Variants in SOX5 observed in about 807,000 individuals in gnomAD.
SOX5 encodes SRY-box transcription factor 5, also known as transcription factor SOX-5.
A neutral mutation model predicts 92.0 loss-of-function variants in SOX5; 9 were observed. The observed-to-expected ratio is 0.10, with a 90% CI of 0.06 to 0.17. The LOEUF (loss-of-function observed/expected upper bound fraction) is 0.17, where lower values mean the gene tolerates loss of function less well. SOX5 is among the 10% of genes least tolerant of loss of function. The pLI is 1.00. For synonymous variants in SOX5, 344 were observed against 336.3 expected, an observed-to-expected ratio of 1.02 and a Z score of -0.25; for missense variants, 642 against 944.5, an observed-to-expected ratio of 0.68 and a Z score of 4.20.
intron 4 of SOX5, among the ~76,000 whole-genome samples, chr12:24,054,238 A>AGT (rs1400438330): frequency 1.3e-5 from 2 of 152,200 alleles, no homozygotes; most frequent in African/African-American, 2.4e-5. Context: ...ATTAAAGTAA[A>AGT]AGAGTTATGT....
chr12:23,970,841 A>ATATATATATATATATATATATTTTTTT, intron 4 of SOX5, among the ~76,000 whole-genome samples: 19 of 21,874 alleles, frequency 8.7e-4, no homozygotes, highest in Non-Finnish European at 1.5e-3. Flanking sequence ...TATATATATA[A>ATATATATATATATATATATATTTTTTT]TTTTTTTTTT....
chr12:24,178,671 AT>A (rs1955113984), intron 4 of SOX5, among the ~76,000 whole-genome samples: 1 of 152,210 alleles, frequency 6.6e-6, no homozygotes, highest in Admixed American at 6.5e-5. Context: ...ATAAAAAAAA[AT>A]CTTGTTTTCC....
intron 9 of SOX5, among the ~76,000 whole-genome samples, chr12:23,588,259 G>A (rs560615483): frequency 6.6e-6 from 1 of 152,030 alleles, no homozygotes; most frequent in East Asian, 1.9e-4. Context: ...ATGAGAAAAG[G>A]CTTAGAACTG....
chr12:23,991,399 G>A (rs1024981087), intron 4 of SOX5, among the ~76,000 whole-genome samples: 5 of 151,446 alleles, frequency 3.3e-5, no homozygotes, highest in Non-Finnish European at 7.4e-5. Context: ...GAGTTCTGGG[G>A]TAATACTTCA....
At chr12:24,342,788 A>T (rs544469) in intron 2 of SOX5, among the ~76,000 whole-genome samples, 1 of 152,116 alleles carries the variant, frequency 6.6e-6, no homozygotes, top group African/African-American at 2.4e-5. Context: ...ATCTGATTAT[A>T]CCATTCATGA....
At chr12:23,868,403 G>T (rs1008908625) in intron 2 of SOX5, among the ~76,000 whole-genome samples, 13 of 152,092 alleles carry the variant, frequency 8.5e-5, no homozygotes, top group African/African-American at 2.9e-4. Flanking sequence ...TGAAGCAAGA[G>T]CAAATTCATT....
chr12:24,234,663 G>A (rs966515866), intron 3 of SOX5, among the ~76,000 whole-genome samples: 3 of 152,120 alleles, frequency 2.0e-5, no homozygotes, highest in Admixed American at 6.5e-5. Context: ...CCAAAGTGCT[G>A]GTGAGCCACC....
At chr12:24,103,125 C>T (rs1946281251) in intron 4 of SOX5, among the ~76,000 whole-genome samples, 1 of 152,136 alleles carries the variant, frequency 6.6e-6, no homozygotes, top group Admixed American at 6.6e-5. Context: ...TTGCAAAGTT[C>T]AAATTGCAAA....
chr12:24,189,310 T>G (rs546820177), intron 4 of SOX5, among the ~76,000 whole-genome samples: 2 of 152,198 alleles, frequency 1.3e-5, no homozygotes, highest in African/African-American at 4.8e-5. Context: ...CATTCATCCT[T>G]TAATTTCTTA....
At position 23,802,491 on chromosome 12, in the gene SOX5, G is replaced by GT. The variant is rs747931596; in HGVS notation, c.481+43491dup. Among the ~76,000 whole-genome samples the GT allele has an allele frequency of 6.0e-4, 91 of 151,262 alleles. 1 individual carries two copies. Among genetic ancestry groups the GT allele is most frequent in the Admixed American group, 9.9e-4 (15 of 15,196 alleles). ...AAAAATACTAGCCATCCCATTCGTTGTAATTTTTTTTTTTAACCAATTTTG... is the reference window on the plus strand; with the variant it reads ...AAAAATACTAGCCATCCCATTCGTTGTTAATTTTTTTTTTTAACCAATTTTG... On this transcript the variant is annotated intron_variant, in intron 3 of 14. Coordinates refer to ENST00000451604, the MANE Select transcript of SOX5 (RefSeq NM_006940.6).
intron 4 of SOX5, among the ~76,000 whole-genome samples, chr12:24,144,703 C>T (rs1950901754): frequency 6.6e-6 from 1 of 151,900 alleles, no homozygotes; most frequent in African/African-American, 2.4e-5. Flanking sequence ...GAAGCGCACA[C>T]CTGCAGTCTC....
chr12:24,008,471 A>AT (rs931571975), intron 4 of SOX5, among the ~76,000 whole-genome samples: 1 of 152,120 alleles, frequency 6.6e-6, no homozygotes, highest in Non-Finnish European at 1.5e-5. Context: ...GGAGGCATAG[A>AT]TGGACATCCT....
At chr12:23,938,754 G>C (rs1434301221) in intron 1 of SOX5, among the ~76,000 whole-genome samples, 1 of 150,958 alleles carries the variant, frequency 6.6e-6, no homozygotes, top group Non-Finnish European at 1.5e-5. Context: ...TAAGCAGTTA[G>C]AGGAAACTAC....
At chr12:24,073,923 T>C (rs572104995) in intron 4 of SOX5, among the ~76,000 whole-genome samples, 4 of 152,266 alleles carry the variant, frequency 2.6e-5, no homozygotes, top group East Asian at 1.9e-4. Context: ...ATAATTAATA[T>C]GGAAAAGAGT....
chr12:24,319,058 C>T (rs1253873209), intron 2 of SOX5, among the ~76,000 whole-genome samples: 1 of 152,216 alleles, frequency 6.6e-6, no homozygotes, highest in African/African-American at 2.4e-5. Context: ...CAAGCCACTT[C>T]TTTGTCTTCT....
upstream of SOX5, among the ~76,000 whole-genome samples, chr12:23,954,085 A>G (rs4963730): frequency 0.38 from 57,362 of 151,674 alleles, 11,482 homozygotes; most frequent in Non-Finnish European, 0.45. Context: ...CATTTCTACT[A>G]TTTTTGTCCT....
intron 4 of SOX5, among the ~76,000 whole-genome samples, chr12:24,118,017 T>TG (rs1948214182): frequency 1.3e-5 from 1 of 76,578 alleles, no homozygotes; most frequent in African/African-American, 6.0e-5. Flanking sequence ...AGACTCTCAT[T>TG]CAAAAAAAAA....
intron 7 of SOX5, among the ~76,000 whole-genome samples, chr12:23,654,329 T>C (rs758306367): frequency 6.6e-6 from 1 of 152,138 alleles, no homozygotes. Context: ...ACAATTCTTA[T>C]CCTCTTAGGT....
intron 1 of SOX5, among the ~76,000 whole-genome samples, chr12:23,922,200 A>T (rs887810260): frequency 2.6e-5 from 4 of 152,120 alleles, no homozygotes; most frequent in African/African-American, 9.7e-5. Context: ...ATCCCACCCA[A>T]TGTGGTGGTT....
Sources: allele counts gnomAD v4.1 joint callset (sites outside exome capture counted in the v4.1 genomes callset), GRCh38; gene constraint gnomAD v4.1.1; transcripts MANE v1.5; gene names NCBI Gene and HGNC (gene_info 2026-07-23, HGNC 2026-07-21).